Variants in TBC1D5 observed in about 807,000 individuals in gnomAD.
The protein encoded by TBC1D5 is TBC1 domain family, member 5.
A neutral mutation model predicts 100.3 loss-of-function variants in TBC1D5; 75 were observed. The observed-to-expected ratio is 0.75, with a 90% confidence interval of 0.62 to 0.91. The LOEUF is 0.91. TBC1D5 is among the 40% of genes least tolerant of loss of function. TBC1D5 has a pLI of 0.00. For missense variants in TBC1D5, 910 were observed against 942.4 expected (o/e 0.97, Z 0.45); for synonymous variants, 323 against 325.6 (o/e 0.99, Z 0.09).
intron 2 of TBC1D5, among the ~76,000 whole-genome samples, chr3:17,537,786 A>G (rs1410677267): frequency 6.6e-6 from 1 of 152,110 alleles, no homozygotes; most frequent in Non-Finnish European, 1.5e-5. Flanking sequence ...TATATACCAC[A>G]TTTTGTCTAT....
intron 2 of TBC1D5, among the ~76,000 whole-genome samples, chr3:17,540,768 A>C (rs1005703506): frequency 6.6e-6 from 1 of 151,768 alleles, no homozygotes; most frequent in Non-Finnish European, 1.5e-5. Flanking sequence ...TTAGCCGGGC[A>C]TGATGGTGGG....
intron 1 of TBC1D5, among the ~76,000 whole-genome samples, chr3:17,713,995 C>T (rs2075004014): frequency 6.6e-6 from 1 of 152,160 alleles, no homozygotes; most frequent in Non-Finnish European, 1.5e-5. Context: ...AAGGCAACTT[C>T]AAAAGCTTTA....
chr3:17,485,306 T>C (rs1446230537), intron 3 of TBC1D5, among the ~76,000 whole-genome samples: 1 of 148,304 alleles, frequency 6.7e-6, no homozygotes. Context: ...TTATTTTATT[T>C]TTTTTACATT....
chr3:17,434,386 A>C (rs1340000594), intron 3 of TBC1D5, among the ~76,000 whole-genome samples: 1 of 152,124 alleles, frequency 6.6e-6, no homozygotes, highest in Non-Finnish European at 1.5e-5. Context: ...CTGCACACCC[A>C]CAGGCCCAAC....
At chr3:17,650,932 A>G (rs376620982) in intron 1 of TBC1D5, among the ~76,000 whole-genome samples, 2 of 152,218 alleles carry the variant, frequency 1.3e-5, no homozygotes, top group African/African-American at 4.8e-5. Flanking sequence ...ATTGACATGT[A>G]AGAATTTCAT....
intron 2 of TBC1D5, among the ~76,000 whole-genome samples, chr3:17,528,317 G>C (rs2096167623): frequency 6.6e-6 from 1 of 152,162 alleles, no homozygotes; most frequent in Non-Finnish European, 1.5e-5. Flanking sequence ...CTTATTAAAA[G>C]GGCTGGAGGG....
At chr3:17,340,697 T>A (rs2088745091) in intron 13 of TBC1D5, 1 of 152,212 alleles carries the variant, frequency 6.6e-6, no homozygotes, top group Non-Finnish European at 1.5e-5. Context: ...CAAGGGCAGC[T>A]GAAAGAGCAG....
chr3:17,260,039 C>T (rs2078128169), intron 15 of TBC1D5, among the ~76,000 whole-genome samples: 1 of 152,168 alleles, frequency 6.6e-6, no homozygotes, highest in African/African-American at 2.4e-5. Context: ...ACTTTTCTCT[C>T]TCTAGGAATT....
intron 1 of TBC1D5, among the ~76,000 whole-genome samples, chr3:17,684,509 T>C (rs2069968199): frequency 6.6e-6 from 1 of 152,086 alleles, no homozygotes; most frequent in African/African-American, 2.4e-5. Flanking sequence ...AAAGACCATG[T>C]TGTGCATATG....
At chr3:17,742,198 G>GGTCCACCCCTCCCGCC (rs1235661406), upstream of TBC1D5, among the ~76,000 whole-genome samples, 1 of 152,096 alleles carries the variant, frequency 6.6e-6, no homozygotes, top group Non-Finnish European at 1.5e-5. Context: ...GGAGCTGAAG[G>GGTCCACCCCTCCCGCC]GTCCACCCCT....
intron 1 of TBC1D5, among the ~76,000 whole-genome samples, chr3:17,657,364 T>C (rs548500322): frequency 1.1e-4 from 15 of 134,144 alleles, no homozygotes; most frequent in Admixed American, 9.1e-4. Flanking sequence ...GGGGACAGAG[T>C]CTCACTCTGT....
chr3:17,742,310 A>AGGCGGCGGC (rs1483635612), upstream of TBC1D5, among the ~76,000 whole-genome samples: 1 of 152,060 alleles, frequency 6.6e-6, no homozygotes, highest in Non-Finnish European at 1.5e-5. Flanking sequence ...TCCCGTGAGA[A>AGGCGGCGGC]GGCGGCGGCG....
intron 2 of TBC1D5, among the ~76,000 whole-genome samples, chr3:17,585,500 T>C (rs2096727332): frequency 6.6e-6 from 1 of 152,222 alleles, no homozygotes; most frequent in Non-Finnish European, 1.5e-5. Flanking sequence ...CAGGAAGGAC[T>C]GTGGTGTTTC....
intron 1 of TBC1D5, among the ~76,000 whole-genome samples, chr3:17,704,653 A>AC (rs1257576994): frequency 2.2e-5 from 1 of 46,052 alleles, no homozygotes; most frequent in Non-Finnish European, 4.1e-5. Flanking sequence ...CGGGGGGCCG[A>AC]CCCCCCCACC....
chr3:17,694,072 C>G (rs1159417162), intron 1 of TBC1D5, among the ~76,000 whole-genome samples: 1 of 152,222 alleles, frequency 6.6e-6, no homozygotes, highest in African/African-American at 2.4e-5. Flanking sequence ...GACATCTACA[C>G]CAAAACCTCA....
intron 8 of TBC1D5, among the ~76,000 whole-genome samples, chr3:17,398,194 A>C (rs893109538): frequency 6.6e-6 from 1 of 152,166 alleles, no homozygotes; most frequent in African/African-American, 2.4e-5. Flanking sequence ...CTGTAAATGG[A>C]AATTCCTTGA....
At chr3:17,704,744 A>G (rs1577646614) in intron 1 of TBC1D5, among the ~76,000 whole-genome samples, 2 of 44,736 alleles carry the variant, frequency 4.5e-5, no homozygotes, top group Admixed American at 2.2e-4. Flanking sequence ...GGCCGGGCAG[A>G]GGGACTCCTC....
intron 19 of TBC1D5, among the ~76,000 whole-genome samples, chr3:17,170,716 A>G: frequency 6.6e-6 from 1 of 152,116 alleles, no homozygotes; most frequent in East Asian, 1.9e-4. Flanking sequence ...CAGGAACACA[A>G]AGCTCTCTTT....
intron 1 of TBC1D5, among the ~76,000 whole-genome samples, chr3:17,713,063 C>T (rs927248074): frequency 3.9e-5 from 6 of 152,074 alleles, no homozygotes; most frequent in African/African-American, 1.4e-4. Flanking sequence ...ATTTATCTGA[C>T]GAGGTCGTCT....
Sources: allele counts gnomAD v4.1 joint callset (sites outside exome capture counted in the v4.1 genomes callset), GRCh38; gene constraint gnomAD v4.1.1; transcripts MANE v1.5; gene names NCBI Gene and HGNC (gene_info 2026-07-23, HGNC 2026-07-21).